ITGB1: variants seen among roughly 807,000 people sequenced by gnomAD.
ITGB1 encodes the protein integrin subunit beta 1, also known as integrin beta-1.
A neutral mutation model predicts 86.5 loss-of-function variants in ITGB1; 24 were observed. That is an observed-to-expected ratio of 0.28 (90% CI 0.20 to 0.39). The LOEUF is 0.39. ITGB1 is among the 10% of genes least tolerant of loss of function. The pLI is 1.00. For missense variants in ITGB1, 556 were observed against 946.9 expected (o/e 0.59, Z 5.42); for synonymous variants, 323 against 316.8 (o/e 1.02, Z -0.21).
Position 32,908,423 on chromosome 10 carries a change from T to A in ITGB1, c.2276A>T (p.Asp759Val). The A allele has an allele frequency of 6.2e-7, 1 of 1,613,384 alleles. No individual in the cohort carries two copies. The highest frequency in any genetic ancestry group is 8.5e-7 in the Non-Finnish European group (1 of 1,179,334). ...LIWKLLMIIHDRREFAKFEKE... is the reference protein window; with the variant it reads ...LIWKLLMIIHVRREFAKFEKE... ...TTCAAATTTAGCAAACTCCCTTCTG[T>A]CATGAATTATCATTAAAAGCTTCCA... The change falls in exon 15 of 16, where the codon GAC becomes GTC. Residue 759 changes from aspartate to valine, a missense_variant. Physicochemically the swap from Asp to Val is radical, Grantham distance 152 (BLOSUM62 -3). Around this residue, in one of 4 missense-constraint regions of ITGB1, gnomAD observed 18 missense variants for 75.2 expected, o/e 0.24. Transcript: ENST00000302278.
intron 2 of ITGB1, among the ~76,000 whole-genome samples, chr10:32,934,568 C>T (rs966454464): frequency 2.0e-5 from 3 of 152,102 alleles, no homozygotes; most frequent in African/African-American, 7.2e-5. Context: ...CATTTCCAAC[C>T]GAAGTGCTTT....
At chr10:32,936,802 T>A (rs1210686000) in intron 1 of ITGB1, among the ~76,000 whole-genome samples, 2 of 152,196 alleles carry the variant, frequency 1.3e-5, no homozygotes, top group African/African-American at 4.8e-5. Context: ...AATAATTATA[T>A]ATAAGTATCT....
chr10:32,941,674 G>T (rs901113236), intron 1 of ITGB1, among the ~76,000 whole-genome samples: 1 of 152,166 alleles, frequency 6.6e-6, no homozygotes, highest in Non-Finnish European at 1.5e-5. Flanking sequence ...ACAGGAGCTG[G>T]AAGACAAATA....
At chr10:32,939,496 C>A (rs570511047) in intron 1 of ITGB1, among the ~76,000 whole-genome samples, 1 of 152,212 alleles carries the variant, frequency 6.6e-6, no homozygotes, top group South Asian at 2.1e-4. Flanking sequence ...CCAGGCTCTA[C>A]GGTACAGCCT....
intron 1 of ITGB1, among the ~76,000 whole-genome samples, chr10:32,956,096 A>G (rs1378070871): frequency 1.3e-5 from 2 of 152,180 alleles, no homozygotes; most frequent in Non-Finnish European, 2.9e-5. Flanking sequence ...TTTCTCCCCA[A>G]ATGCCTGTAA....
At chr10:32,945,729 G>A (rs2095030014) in intron 1 of ITGB1, among the ~76,000 whole-genome samples, 1 of 152,240 alleles carries the variant, frequency 6.6e-6, no homozygotes, top group African/African-American at 2.4e-5. Flanking sequence ...TAGCATTGTG[G>A]AGCATGGTGA....
chr10:32,953,477 T>C (rs1270165965), intron 1 of ITGB1: 2 of 152,108 alleles, frequency 1.3e-5, no homozygotes, highest in Non-Finnish European at 2.9e-5. Context: ...GGGACAGATG[T>C]TGCTGGTCAG....
At chr10:32,918,945 A>C (rs570960814) in intron 11 of ITGB1, among the ~76,000 whole-genome samples, 3 of 152,218 alleles carry the variant, frequency 2.0e-5, no homozygotes, top group Non-Finnish European at 2.9e-5. Context: ...AGAACACATA[A>C]TGCTCATGGA....
chr10:32,910,355 T>G lies in ITGB1; in HGVS notation c.2032A>C (p.Lys678Gln), dbSNP rs2094909278. 8.8e-6 allele frequency: 14 copies of G among 1,599,336 alleles called. No homozygotes were observed. Among genetic ancestry groups the G allele is most frequent in the Non-Finnish European group, 1.0e-5 (12 of 1,166,714 alleles). Residue 678 changes from lysine (K) to glutamine (Q), a missense_variant, in exon 14 of 16, where the codon AAA becomes CAA. Transcript: ENST00000302278. ...FNITKVESRD[K>Q]LPQPVQPDPV... is the part of the protein sequence containing the mutation. ...TCAGGTTGGACCGGCTGGGGTAATT[T>G]GTCCCGACTTTCTACCTTGGTAATG...
At chr10:32,951,826 G>C (rs1473734215) in intron 1 of ITGB1, 1 of 152,186 alleles carries the variant, frequency 6.6e-6, no homozygotes, top group East Asian at 1.9e-4. Flanking sequence ...AGTTGTCAAA[G>C]ATAATTGTGA....
chr10:32,933,713 G>A (rs1382376845), intron 2 of ITGB1: 1 of 152,048 alleles, frequency 6.6e-6, no homozygotes, highest in Non-Finnish European at 1.5e-5. Flanking sequence ...GGGGAAGCAA[G>A]CATATATATA....
Position 32,922,392 on chromosome 10 carries a change from C to G in ITGB1, c.1039-46G>C, listed in dbSNP as rs777967839. 5 of 1,308,888 alleles carry G rather than the reference C, an allele frequency of 3.8e-6. No homozygotes were observed. The African/African-American group carries it at 7.3e-5, about 19-fold the overall frequency. The allele number at this position is 1,308,888 out of a possible 1,614,324, so 81.1% of individuals were successfully genotyped here. ...ACGTAAAATACAACTGCTATTCATT[C>G]AACCAATTAGGATCCACTGAGCAAC... On this transcript the variant is annotated intron_variant, in intron 8 of 15. Transcript: ENST00000302278.
At chr10:32,918,371 GAAT>G (rs373001564) in intron 11 of ITGB1, among the ~76,000 whole-genome samples, 9 of 151,562 alleles carry the variant, frequency 5.9e-5, no homozygotes, top group South Asian at 2.1e-4. Context: ...ATCTTGGAGG[GAAT>G]AATAATAATA....
intron 1 of ITGB1, among the ~76,000 whole-genome samples, chr10:32,946,894 G>C (rs2095032598): frequency 1.3e-5 from 2 of 151,564 alleles, no homozygotes; most frequent in South Asian, 4.2e-4. Context: ...ACCCAGGCTG[G>C]AGTGCAGTGG....
At chr10:32,908,272 G>A (rs932154909) in intron 15 of ITGB1, 96 bp downstream of exon 15, 14 of 1,173,018 alleles carry the variant, frequency 1.2e-5, no homozygotes, top group Non-Finnish European at 1.8e-5. Flanking sequence ...ACTTAGAAAG[G>A]ACTTTAATAA....
intron 1 of ITGB1, chr10:32,935,948 G>T: frequency 6.2e-6 from 1 of 160,610 alleles, no homozygotes; most frequent in South Asian, 1.8e-4. Context: ...CGGCTCCCAG[G>T]GGCCCAGACC....
At position 32,908,250 on chromosome 10, in the gene ITGB1, G is replaced by C; in HGVS notation, c.2331+118C>G. ...AAATTCCTTGAGTAAGAAACTTTTG[G>C]GGGAATAAAATACTTAGAAAGGACT... On this transcript the variant is annotated intron_variant, in intron 15 of 15. Coordinates refer to ENST00000302278, the MANE Select transcript of ITGB1 (RefSeq NM_002211.4). 3.1e-6 allele frequency: 3 copies of C among 977,118 alleles called. No homozygotes were observed. In the Admixed American group the frequency reaches 6.0e-5, roughly 20 times the overall value. 60.5% of individuals were successfully genotyped at this position (977,118 alleles called of 1,614,324 possible).
intron 1 of ITGB1, among the ~76,000 whole-genome samples, chr10:32,939,722 AAGTGAGTGAGTG>A (rs3035177): frequency 0.075 from 11,238 of 149,812 alleles, 1,178 homozygotes; most frequent in African/African-American, 0.24. Context: ...CTGGGTGGGT[AAGTGAGTGAGTG>A]AGTGAGTGAG....
chr10:32,938,290 T>C (rs1018061019), intron 1 of ITGB1, among the ~76,000 whole-genome samples: 6 of 152,212 alleles, frequency 3.9e-5, no homozygotes, highest in Admixed American at 3.9e-4. Flanking sequence ...AGGAAATGCA[T>C]TACTGTGATG....
Sources: gnomAD v4.1 joint callset for allele counts (sites outside exome capture counted in the v4.1 genomes callset) on GRCh38, gnomAD v4.1.1 for gene constraint, gnomAD v4.1.1 regional missense constraint, MANE v1.5 for transcripts, NCBI Gene and HGNC (gene_info 2026-07-23, HGNC 2026-07-21) for gene names.